Variants in CNTNAP5 observed in about 807,000 individuals in gnomAD.
CNTNAP5 encodes contactin-associated protein-like 5.
Under a neutral mutation model 150.2 loss-of-function variants are expected in CNTNAP5, and 72 were observed. That is an observed-to-expected ratio of 0.48 (90% CI 0.40 to 0.58). CNTNAP5 has a LOEUF of 0.58. CNTNAP5 is among the 20% of genes least tolerant of loss of function. The pLI is 0.00. For synonymous variants in CNTNAP5, 672 were observed against 619.8 expected (o/e 1.08, Z -1.25); for missense variants, 1,636 against 1,626.2 (o/e 1.01, Z -0.10).
intron 13 of CNTNAP5, among the ~76,000 whole-genome samples, chr2:124,739,425 C>T (rs1680453886): frequency 6.6e-6 from 1 of 152,110 alleles, no homozygotes. Flanking sequence ...ATATAAAACA[C>T]TTTCTTTTGT....
In CNTNAP5 at chr2:124,670,175, TCCTC is replaced by T. The variant is rs1336282757; in HGVS notation, c.2077+22222_2077+22225del. ...TTCCTTCCTTCCTTCCTTCCTTCCT[TCCTC>T]CCTCTCTTTCTCTTTCTCTCTCTTT... is the stretch of plus-strand genomic sequence containing the variant. On this transcript the variant is annotated intron_variant, in intron 13 of 23. Coordinates refer to ENST00000682447, the MANE Select transcript of CNTNAP5 (RefSeq NM_001367498.1). Among the ~76,000 whole-genome samples, 274 of 136,478 alleles carry T rather than the reference TCCTC, an allele frequency of 2.0e-3. 6 individuals carry two copies. The highest frequency in any genetic ancestry group is 3.7e-3 in the Middle Eastern group (1 of 268). 89.5% of individuals were successfully genotyped at this position (136,478 alleles called of 152,430 possible). A position where few individuals can be genotyped will look rare whatever the true frequency, so the allele number is the denominator to read the frequency against.
At chr2:124,673,375 G>A (rs558596521) in intron 13 of CNTNAP5, among the ~76,000 whole-genome samples, 1 of 152,132 alleles carries the variant, frequency 6.6e-6, no homozygotes, top group African/African-American at 2.4e-5. Context: ...TGAGGAATTT[G>A]CAATTTTTGA....
intron 11 of CNTNAP5, among the ~76,000 whole-genome samples, chr2:124,584,909 C>T (rs764368910): frequency 6.6e-6 from 1 of 152,180 alleles, no homozygotes; most frequent in Non-Finnish European, 1.5e-5. Context: ...CAAGAACAAA[C>T]ATCAGATTTA....
intron 12 of CNTNAP5, among the ~76,000 whole-genome samples, chr2:124,644,564 T>C (rs1678164534): frequency 6.6e-6 from 1 of 152,174 alleles, no homozygotes; most frequent in Non-Finnish European, 1.5e-5. Context: ...TATATGGATA[T>C]GAAAATCTAT....
At chr2:124,226,046 G>T (rs1010289538) in intron 2 of CNTNAP5, among the ~76,000 whole-genome samples, 1 of 151,994 alleles carries the variant, frequency 6.6e-6, no homozygotes, top group Non-Finnish European at 1.5e-5. Flanking sequence ...TCCGTATCTT[G>T]GCTGCTATGA....
intron 11 of CNTNAP5, among the ~76,000 whole-genome samples, chr2:124,601,979 T>C (rs1696995692): frequency 6.6e-6 from 1 of 152,074 alleles, no homozygotes; most frequent in Non-Finnish European, 1.5e-5. Context: ...TAGCTCAATA[T>C]CCCGTATTAC....
At chr2:124,866,136 A>C (rs1199524932) in intron 20 of CNTNAP5, among the ~76,000 whole-genome samples, 3 of 151,634 alleles carry the variant, frequency 2.0e-5, no homozygotes, top group Non-Finnish European at 2.9e-5. Context: ...GGTGGCACGC[A>C]CCTATAATCC....
Position 124,902,898 on chromosome 2 carries a change from T to C in CNTNAP5, c.3453T>C (p.Asp1151=). 1 of 1,609,046 alleles carries C rather than the reference T, an allele frequency of 6.2e-7. No individual in the cohort carries two copies. Among genetic ancestry groups the C allele is most frequent in the Non-Finnish European group, 8.5e-7 (1 of 1,176,460 alleles). ...ACATTGCAGAGAATCTTGGTTTGGA[T>C]TCTGAAGTTGCTAAAGCAAATGCCA... The part of the protein sequence containing the change: ...LGKVTENLGL[D]SEVAKANAMG... Residue 1151 remains aspartate (D), a synonymous_variant, in exon 22 of 24, where the codon GAT becomes GAC. Transcript: ENST00000682447.
At chr2:124,313,697 C>A (rs1193793932) in intron 3 of CNTNAP5, among the ~76,000 whole-genome samples, 3 of 152,162 alleles carry the variant, frequency 2.0e-5, no homozygotes, top group Non-Finnish European at 2.9e-5. Context: ...TGGATCATGC[C>A]ATCATGTCTT....
chr2:124,342,483 C>T (rs77842070), intron 3 of CNTNAP5, among the ~76,000 whole-genome samples: 10,692 of 152,150 alleles, frequency 0.07, 485 homozygotes, highest in East Asian at 0.22. Context: ...TTTTTATTGG[C>T]TTCATAAAGT....
chr2:124,584,196 T>C (rs957866858), intron 11 of CNTNAP5, among the ~76,000 whole-genome samples: 18 of 152,212 alleles, frequency 1.2e-4, no homozygotes, highest in African/African-American at 4.3e-4. Flanking sequence ...ATGCATAATG[T>C]TGTAAACACA....
intron 13 of CNTNAP5, among the ~76,000 whole-genome samples, chr2:124,697,729 A>G (rs1679433649): frequency 6.6e-6 from 1 of 152,172 alleles, no homozygotes; most frequent in Admixed American, 6.6e-5. Flanking sequence ...GCCTGAGCAG[A>G]AGCAACACAC....
chr2:124,067,224 C>G (rs1407727148), intron 1 of CNTNAP5, among the ~76,000 whole-genome samples: 1 of 152,216 alleles, frequency 6.6e-6, no homozygotes, highest in East Asian at 1.9e-4. Flanking sequence ...CCACCAACTT[C>G]ATGGCTCAAA....
At chr2:124,630,002 TC>T (rs1436511103) in intron 12 of CNTNAP5, among the ~76,000 whole-genome samples, 2 of 137,006 alleles carry the variant, frequency 1.5e-5, no homozygotes, top group African/African-American at 5.3e-5. Flanking sequence ...ACATACAACC[TC>T]CCATTCTGAA....
At chr2:124,724,991 G>A (rs1442976509) in intron 13 of CNTNAP5, among the ~76,000 whole-genome samples, 2 of 134,062 alleles carry the variant, frequency 1.5e-5, no homozygotes, top group Non-Finnish European at 3.1e-5. Flanking sequence ...TCTTCCCCAT[G>A]AAATTCAACG....
intron 1 of CNTNAP5, among the ~76,000 whole-genome samples, chr2:124,151,536 C>T (rs141005476): frequency 5.6e-4 from 86 of 152,260 alleles, no homozygotes; most frequent in Non-Finnish European, 1.1e-3. Flanking sequence ...TCATTTGTAC[C>T]TCCTAGTGGG....
In CNTNAP5 at chr2:124,104,232, T is replaced by C. The variant is rs116166497; in HGVS notation, c.82+78500T>C. ...AAAAATAAAAGTATCATAAACTCCA[T>C]GTATGTATCACACATTCCATCATCA... On this transcript the variant is annotated intron_variant, in intron 1 of 23. Transcript: ENST00000682447. Among the ~76,000 whole-genome samples the C allele has an allele frequency of 6.7e-3, 1,026 of 152,162 alleles. 9 individuals carry two copies. Among genetic ancestry groups the C allele is most frequent in the African/African-American group, 0.021 (890 of 41,534 alleles).
At chr2:124,623,318 C>T (rs577302935) in intron 12 of CNTNAP5, among the ~76,000 whole-genome samples, 4 of 152,272 alleles carry the variant, frequency 2.6e-5, no homozygotes, top group African/African-American at 9.6e-5. Context: ...ACAGGGATGG[C>T]CATGTCTCCC....
At chr2:124,683,979 A>G (rs1045032446) in intron 13 of CNTNAP5, among the ~76,000 whole-genome samples, 1 of 152,138 alleles carries the variant, frequency 6.6e-6, no homozygotes, top group Non-Finnish European at 1.5e-5. Flanking sequence ...AGGCCTGGGG[A>G]TGCTTCGAGC....
Sources: gnomAD v4.1 joint callset for allele counts (sites outside exome capture counted in the v4.1 genomes callset) on GRCh38, gnomAD v4.1.1 for gene constraint, MANE v1.5 for transcripts, NCBI Gene and HGNC (gene_info 2026-07-23, HGNC 2026-07-21) for gene names.